USP49: variants seen among roughly 807,000 people sequenced by gnomAD.
The protein encoded by USP49 is ubiquitin carboxyl-terminal hydrolase 49.
Under a neutral mutation model 58.6 loss-of-function variants are expected in USP49, and 24 were observed. The observed-to-expected ratio is 0.41, with a 90% CI of 0.30 to 0.58. The LOEUF is 0.58. Ranked by LOEUF, USP49 falls within the 20% of genes least tolerant of loss-of-function variation. USP49 has a pLI of 0.30. For missense variants in USP49, 703 were observed against 866.1 expected (o/e 0.81, Z 2.36); for synonymous variants, 408 against 365.1 (o/e 1.12, Z -1.34).
intron 3 of USP49, among the ~76,000 whole-genome samples, chr6:41,818,455 G>A (rs1773395620): frequency 6.6e-6 from 1 of 152,186 alleles, no homozygotes; most frequent in South Asian, 2.1e-4. Flanking sequence ...GGCTGGGTAA[G>A]GATTAAGCTT....
At chr6:41,815,770 T>C (rs1005279573) in intron 3 of USP49, among the ~76,000 whole-genome samples, 1 of 152,220 alleles carries the variant, frequency 6.6e-6, no homozygotes, top group Non-Finnish European at 1.5e-5. Flanking sequence ...AGACCTGACA[T>C]GCTAGGTGTG....
chr6:41,841,882 C>G lies in USP49; in HGVS notation c.-29+29682G>C, dbSNP rs182065789. Among the ~76,000 whole-genome samples, 253 of 152,248 alleles carry G rather than the reference C, an allele frequency of 1.7e-3. 1 individual carries two copies. The highest frequency in any genetic ancestry group is 5.6e-3 in the African/African-American group (233 of 41,546). On this transcript the variant is annotated intron_variant, in intron 3 of 7. Transcript: ENST00000682992. ...GACCAGCCTGGCCAACATGGCAAAACCCTGTCTCTACCACAAATACAAAAA... is the reference window on the plus strand; with the variant it reads ...GACCAGCCTGGCCAACATGGCAAAAGCCTGTCTCTACCACAAATACAAAAA...
chr6:41,884,672 C>T (rs1774676972), intron 2 of USP49, among the ~76,000 whole-genome samples: 1 of 152,132 alleles, frequency 6.6e-6, no homozygotes, highest in Admixed American at 6.5e-5. Flanking sequence ...TTCATTCATG[C>T]ATACATTAAT....
Position 41,793,052 on chromosome 6 carries a change from C to G in USP49, c.*3481G>C, listed in dbSNP as rs992793364. The stretch of plus-strand genomic sequence containing the variant: ...CATGCCCCACTGTCAGCCAATCCAC[C>G]TCATTGGTTCTTCCCTTGTACTTGG... On this transcript the variant is annotated 3_prime_UTR_variant, in exon 8 of 8. Transcript: ENST00000682992. The G allele has an allele frequency of 6.6e-6, 1 of 152,076 alleles. No individual in the cohort carries two copies. The highest frequency in any genetic ancestry group is 2.4e-5 in the African/African-American group (1 of 41,376). The allele number at this position is 152,076 out of a possible 1,614,324, so 9.4% of individuals were successfully genotyped here. A position where few individuals can be genotyped will look rare whatever the true frequency, so the allele number is the denominator to read the frequency against.
chr6:41,877,564 CAT>C (rs1491145434), intron 2 of USP49, among the ~76,000 whole-genome samples: 1 of 126,618 alleles, frequency 7.9e-6, no homozygotes, highest in African/African-American at 3.0e-5. Flanking sequence ...TATGGGATCC[CAT>C]TTTTTTTTTT....
At position 41,796,676 on chromosome 6, in the gene USP49, C is replaced by T. The variant is rs754073947; in HGVS notation, c.1924G>A (p.Glu642Lys). Reference protein sequence around the residue: ...NDSKLNVCSVEEVCKTQAYIL... With the variant: ...NDSKLNVCSVKEVCKTQAYIL... ...TAGGCCTGGGTTTTGCACACTTCCT[C>T]GACACTGCATACATTCAGCTTTGAG... Residue 642 changes from glutamate (E) to lysine (K), a missense_variant, in exon 8 of 8, where the codon GAG becomes AAG. Physicochemically the swap from Glu to Lys is moderately conservative, Grantham distance 56 (BLOSUM62 1). Around this residue, in one of 6 missense-constraint regions of USP49, gnomAD observed 158 missense variants for 241.2 expected, o/e 0.66. Transcript: ENST00000682992. 2.4e-5 allele frequency: 17 copies of T among 717,266 alleles called. No homozygotes were observed. The highest frequency in any genetic ancestry group is 7.0e-5 in the African/African-American group (4 of 57,182). The allele number at this position is 717,266 out of a possible 1,614,324, so 44.4% of individuals were successfully genotyped here. A position where few individuals can be genotyped will look rare whatever the true frequency, so the allele number is the denominator to read the frequency against.
chr6:41,895,189 C>T (rs1774876433), intron 1 of USP49, 135 bp downstream of exon 1: 1 of 152,230 alleles, frequency 6.6e-6, no homozygotes, highest in African/African-American at 2.4e-5. Context: ...AGACTCCTAT[C>T]CCCGCCTCCG....
At chr6:41,834,704 C>T (rs1349788230) in intron 3 of USP49, among the ~76,000 whole-genome samples, 1 of 152,220 alleles carries the variant, frequency 6.6e-6, no homozygotes, top group African/African-American at 2.4e-5. Flanking sequence ...GCTTCCCCTT[C>T]ACCTTCCGCC....
chr6:41,830,778 G>A (rs1277807427), intron 3 of USP49, among the ~76,000 whole-genome samples: 1 of 151,592 alleles, frequency 6.6e-6, no homozygotes, highest in Non-Finnish European at 1.5e-5. Context: ...AGCCAAGATC[G>A]CACCACTGCA....
chr6:41,796,786 C>A, intron 7 of USP49, 63 bp from the exon 8 acceptor site: 1 of 692,058 alleles, frequency 1.4e-6, no homozygotes, highest in Non-Finnish European at 2.7e-6. Flanking sequence ...AGTCAGCAGG[C>A]AAAATCAGGA....
intron 2 of USP49, among the ~76,000 whole-genome samples, chr6:41,886,161 A>G (rs1467569043): frequency 2.6e-5 from 4 of 152,218 alleles, no homozygotes; most frequent in African/African-American, 9.7e-5. Flanking sequence ...CAAGCATGCA[A>G]TCAGTGTATA....
intron 2 of USP49, among the ~76,000 whole-genome samples, chr6:41,880,527 T>C (rs572001883): frequency 3.5e-4 from 53 of 152,006 alleles, no homozygotes; most frequent in Non-Finnish European, 6.9e-4. Context: ...AGGAAAAAAA[T>C]AACCAAGAAT....
intron 5 of USP49, among the ~76,000 whole-genome samples, chr6:41,801,413 G>T (rs1033176187): frequency 5.3e-5 from 8 of 152,192 alleles, no homozygotes; most frequent in African/African-American, 1.9e-4. Flanking sequence ...ATGTGGAGGT[G>T]TAACTTCTCA....
At chr6:41,816,639 A>G (rs2127330917) in intron 3 of USP49, among the ~76,000 whole-genome samples, 1 of 152,278 alleles carries the variant, frequency 6.6e-6, no homozygotes, top group South Asian at 2.1e-4. Flanking sequence ...ACATGCCATA[A>G]AATTCACTCA....
intron 3 of USP49, among the ~76,000 whole-genome samples, chr6:41,846,211 G>A (rs546671074): frequency 7.2e-5 from 11 of 152,260 alleles, no homozygotes; most frequent in Non-Finnish European, 1.6e-4. Flanking sequence ...CAGCTACTTG[G>A]GAGGCTGAGG....
chr6:41,837,191 G>C (rs1773743119), intron 3 of USP49, among the ~76,000 whole-genome samples: 1 of 152,058 alleles, frequency 6.6e-6, no homozygotes, highest in African/African-American at 2.4e-5. Flanking sequence ...AGGCATCACT[G>C]TTACCCAACT....
intron 2 of USP49, among the ~76,000 whole-genome samples, chr6:41,888,600 T>A (rs1032207277): frequency 1.3e-5 from 2 of 151,866 alleles, no homozygotes; most frequent in African/African-American, 4.8e-5. Flanking sequence ...ATTACAGGCA[T>A]GCGCCACCAC....
Position 41,791,407 on chromosome 6 carries a change from CAGCCAA to C in USP49, c.*5120_*5125del, listed in dbSNP as rs1340768955. ...ATTACAGGTGCTAGCCAACTGCATC[CAGCCAA>C]TGTTTCATTTCAACTGGCTTAAATC... On this transcript the variant is annotated 3_prime_UTR_variant, in exon 8 of 8. Coordinates refer to ENST00000682992, the MANE Select transcript of USP49 (RefSeq NM_001286554.2). The C allele has an allele frequency of 9.9e-5, 15 of 152,212 alleles. No homozygotes were observed. The highest frequency in any genetic ancestry group is 3.4e-4 in the African/African-American group (14 of 41,452). The allele number at this position is 152,212 out of a possible 1,614,324, so 9.4% of individuals were successfully genotyped here.
At chr6:41,882,659 G>A (rs1451690587) in intron 2 of USP49, among the ~76,000 whole-genome samples, 2 of 152,244 alleles carry the variant, frequency 1.3e-5, no homozygotes, top group African/African-American at 4.8e-5. Flanking sequence ...GCTCACGCCT[G>A]TAATCCCAGC....
Sources: allele counts gnomAD v4.1 joint callset (sites outside exome capture counted in the v4.1 genomes callset), GRCh38; gene constraint gnomAD v4.1.1; regional missense constraint gnomAD v4.1.1; transcripts MANE v1.5; gene names NCBI Gene and HGNC (gene_info 2026-07-23, HGNC 2026-07-21).